DPH6: variants seen among roughly 807,000 people sequenced by gnomAD.
DPH6 encodes diphthine--ammonia ligase.
Under a neutral mutation model 38.2 loss-of-function variants are expected in DPH6, and 33 were observed. The observed-to-expected ratio is 0.86, with a 90% CI of 0.65 to 1.15. DPH6 has a LOEUF of 1.15. Ranked by LOEUF, DPH6 falls within the 50% of genes most tolerant of loss-of-function variation. DPH6 has a pLI of 0.00. For synonymous variants in DPH6, 108 were observed against 103.0 expected (o/e 1.05, Z -0.30); for missense variants, 325 against 320.0 (o/e 1.02, Z -0.12).
At chr15:35,432,935 T>C (rs925416381) in intron 5 of DPH6, among the ~76,000 whole-genome samples, 1 of 152,146 alleles carries the variant, frequency 6.6e-6, no homozygotes, top group African/African-American at 2.4e-5. Flanking sequence ...AAATGACTAA[T>C]GACTAAATCA....
At chr15:35,173,867 GCTGACCATCCCTTGGTCTCTGAA>G in the DPH6 span, among the ~76,000 whole-genome samples, 6 of 152,098 alleles carry the variant, frequency 3.9e-5, no homozygotes, top group African/African-American at 1.4e-4. Context: ...GGAAGTCTTT[GCTGACCATCCCTTGGTCTCTGAA>G]TTGCACTGGT....
intron 3 of DPH6, among the ~76,000 whole-genome samples, chr15:35,241,118 G>C (rs1275649435): frequency 7.0e-6 from 1 of 142,922 alleles, no homozygotes; most frequent in Non-Finnish European, 1.5e-5. Context: ...TGTCCCATCT[G>C]TGCGGGACCC....
At chr15:35,339,220 C>T (rs1021727786) in intron 3 of DPH6, among the ~76,000 whole-genome samples, 9 of 151,370 alleles carry the variant, frequency 5.9e-5, no homozygotes, top group African/African-American at 1.9e-4. Context: ...AAATTTCCCT[C>T]TTAACACTGT....
At chr15:35,251,816 T>C (rs563859935) in intron 3 of DPH6, among the ~76,000 whole-genome samples, 5 of 152,344 alleles carry the variant, frequency 3.3e-5, no homozygotes, top group Admixed American at 1.3e-4. Context: ...GCTCATTCAA[T>C]GATAACAACA....
chr15:35,295,723 G>A (rs1278415772), intron 3 of DPH6, among the ~76,000 whole-genome samples: 1 of 152,076 alleles, frequency 6.6e-6, no homozygotes, highest in Non-Finnish European at 1.5e-5. Flanking sequence ...TGATCCATTA[G>A]TAATCATAAA....
chr15:35,500,124 A>G (rs1371174239), intron 3 of DPH6, among the ~76,000 whole-genome samples: 1 of 152,172 alleles, frequency 6.6e-6, no homozygotes, highest in Admixed American at 6.6e-5. Flanking sequence ...TAAGCCCTCC[A>G]TTTATCCAAG....
intron 5 of DPH6, among the ~76,000 whole-genome samples, chr15:35,440,958 A>C (rs915455349): frequency 1.3e-5 from 2 of 152,188 alleles, no homozygotes; most frequent in South Asian, 2.1e-4. Context: ...ACAAATTTAC[A>C]AGAAAAAACA....
chr15:35,258,722 T>C (rs549310943), intron 3 of DPH6, among the ~76,000 whole-genome samples: 10 of 152,290 alleles, frequency 6.6e-5, no homozygotes, highest in African/African-American at 2.4e-4. Context: ...ATTTATCCTT[T>C]ATAAAGTTTC....
chr15:35,254,019 A>T (rs571329589), intron 3 of DPH6, among the ~76,000 whole-genome samples: 158 of 152,322 alleles, frequency 1.0e-3, no homozygotes, highest in African/African-American at 3.5e-3. Flanking sequence ...TGATTTGAAT[A>T]TCAAAGGGAT....
At position 35,319,944 on chromosome 15, in the gene DPH6, A is replaced by G. The variant is rs540667483; in HGVS notation, n.200+53577T>C. Among the ~76,000 whole-genome samples the G allele has an allele frequency of 6.6e-5, 10 of 152,228 alleles. No individual in the cohort carries two copies. In the South Asian group the frequency reaches 1.9e-3, roughly 28 times the overall value. On this transcript the variant is annotated intron_variant and non_coding_transcript_variant, in intron 3 of 3. Transcript: ENST00000560386. ...CAAAACCCAAAAAGGAAAAGAAATG[A>G]TGTTAAGCATAACAAATTCTTATAC...
rs868443166 is a variant in DPH6 at position 35,233,079 on chromosome 15, G to T, written n.201-12497C>A. On this transcript the variant is annotated intron_variant and non_coding_transcript_variant, in intron 3 of 3. Transcript: ENST00000560386. ...TCTCAGCATTTTGGGAGGCTGCGGT[G>T]GGGGGATCACTTGAGGTCAGCAGTT... Among the ~76,000 whole-genome samples the T allele has an allele frequency of 3.1e-4, 47 of 152,260 alleles. 1 individual carries two copies. Among genetic ancestry groups the T allele is most frequent in the Middle Eastern group, 3.4e-3 (1 of 294 alleles).
chr15:35,159,278 T>A, the DPH6 span, among the ~76,000 whole-genome samples: 1 of 152,048 alleles, frequency 6.6e-6, no homozygotes, highest in Admixed American at 6.6e-5. Context: ...TAAGACCAAC[T>A]CCTCTGCTTG....
intron 3 of DPH6, among the ~76,000 whole-genome samples, chr15:35,304,892 CAG>C (rs936828326): frequency 2.0e-5 from 3 of 151,898 alleles, no homozygotes; most frequent in African/African-American, 7.2e-5. Context: ...GATATACTTA[CAG>C]AGTTTGATAA....
chr15:35,532,031 A>G (rs2055095865), intron 3 of DPH6, among the ~76,000 whole-genome samples: 2 of 152,222 alleles, frequency 1.3e-5, no homozygotes, highest in African/African-American at 2.4e-5. Flanking sequence ...AGGTTTCACA[A>G]AAGAATATGA....
chr15:35,345,639 T>G (rs1362442116), intron 3 of DPH6, among the ~76,000 whole-genome samples: 2 of 151,964 alleles, frequency 1.3e-5, no homozygotes, highest in Admixed American at 1.3e-4. Context: ...ACTCGATAAT[T>G]TTTTAAGATT....
chr15:35,534,377 CA>C (rs55974798), intron 3 of DPH6, among the ~76,000 whole-genome samples: 65,982 of 104,042 alleles, frequency 0.63, 18,184 homozygotes, highest in South Asian at 0.75. Context: ...AACTCTGTCT[CA>C]AAAAAAAAAA....
intron 3 of DPH6, among the ~76,000 whole-genome samples, chr15:35,480,239 A>G (rs2054310781): frequency 6.6e-6 from 1 of 152,140 alleles, no homozygotes; most frequent in African/African-American, 2.4e-5. Context: ...TTAAATAAAA[A>G]TTCTAACATT....
intron 3 of DPH6, chr15:35,238,274 A>G (rs1220748634): frequency 3.1e-6 from 1 of 323,770 alleles, no homozygotes; most frequent in Non-Finnish European, 5.8e-6. Flanking sequence ...TGCCAAAAAA[A>G]AAAAAATGAC....
downstream of DPH6, among the ~76,000 whole-genome samples, chr15:35,366,535 C>G (rs150234038): frequency 6.8e-4 from 103 of 151,980 alleles, no homozygotes; most frequent in African/African-American, 2.3e-3. Context: ...TAAGAAGCCA[C>G]AGATTACAGA....
Sources: gnomAD v4.1 joint callset for allele counts (sites outside exome capture counted in the v4.1 genomes callset) on GRCh38, gnomAD v4.1.1 for gene constraint, MANE v1.5 for transcripts, NCBI Gene and HGNC (gene_info 2026-07-23, HGNC 2026-07-21) for gene names.